The following RIMS2 variants were observed in gnomAD, a reference collection of about 807,000 sequenced individuals.
RIMS2 encodes the protein regulating synaptic membrane exocytosis protein 2.
RIMS2 carries 59 observed loss-of-function variants against 174.4 expected under a neutral mutation model. That is an observed-to-expected ratio of 0.34 (90% CI 0.27 to 0.42). RIMS2 has a LOEUF of 0.42. RIMS2 is among the 10% of genes least tolerant of loss of function. RIMS2 has a pLI of 1.00. For missense variants in RIMS2, 1,620 were observed against 1,666.3 expected (o/e 0.97, Z 0.48); for synonymous variants, 606 against 572.5 (o/e 1.06, Z -0.84).
At chr8:103,807,029 G>A (rs754295137) in intron 3 of RIMS2, among the ~76,000 whole-genome samples, 4 of 152,078 alleles carry the variant, frequency 2.6e-5, no homozygotes, top group Non-Finnish European at 5.9e-5. Flanking sequence ...TGAGTCTGGA[G>A]TTTTAGGGGA....
exon 3 of RIMS2, chr8:103,766,444 A>G: frequency 6.2e-7 from 1 of 1,613,868 alleles, no homozygotes. Context: ...CCTGCAGTGG[A>G]GAAAAGTCGA....
intron 1 of RIMS2, among the ~76,000 whole-genome samples, chr8:103,618,301 C>G (rs2095553136): frequency 6.6e-6 from 1 of 151,928 alleles, no homozygotes; most frequent in Non-Finnish European, 1.5e-5. Context: ...AAGGAAACAA[C>G]AAACACTAGG....
At chr8:103,535,335 A>C (rs1839269005) in intron 1 of RIMS2, among the ~76,000 whole-genome samples, 1 of 152,190 alleles carries the variant, frequency 6.6e-6, no homozygotes, top group Non-Finnish European at 1.5e-5. Context: ...AATGAGCTAT[A>C]CTGCTAGAAA....
intron 14 of RIMS2, among the ~76,000 whole-genome samples, chr8:103,955,061 T>C (rs2086703736): frequency 6.6e-6 from 1 of 152,034 alleles, no homozygotes; most frequent in Non-Finnish European, 1.5e-5. Context: ...AGAAGTCAAA[T>C]CCCTGAATAG....
chr8:103,714,069 A>G (rs1460834763), intron 2 of RIMS2, among the ~76,000 whole-genome samples: 1 of 152,094 alleles, frequency 6.6e-6, no homozygotes, highest in African/African-American at 2.4e-5. Context: ...TTTTTGTGCC[A>G]CACTGGATTC....
At chr8:103,732,442 G>A (rs1468904612) in intron 2 of RIMS2, among the ~76,000 whole-genome samples, 3 of 152,108 alleles carry the variant, frequency 2.0e-5, no homozygotes, top group Non-Finnish European at 4.4e-5. Context: ...GTGACCACTG[G>A]TGAACATATC....
At chr8:103,984,191 A>C (rs1161548130) in intron 16 of RIMS2, among the ~76,000 whole-genome samples, 1 of 152,098 alleles carries the variant, frequency 6.6e-6, no homozygotes, top group Non-Finnish European at 1.5e-5. Context: ...AAAAGGAAAA[A>C]AAAAAGTAGA....
intron 2 of RIMS2, among the ~76,000 whole-genome samples, chr8:103,749,161 T>A (rs1273202693): frequency 6.7e-6 from 1 of 148,822 alleles, no homozygotes; most frequent in East Asian, 2.0e-4. Flanking sequence ...GTCCAGGCTG[T>A]AGTGCAGTGG....
intron 1 of RIMS2, among the ~76,000 whole-genome samples, chr8:103,674,355 A>T (rs1727414739): frequency 6.6e-6 from 1 of 152,192 alleles, no homozygotes; most frequent in South Asian, 2.1e-4. Context: ...TACTATCAAT[A>T]TAGAAGTTAA....
chr8:103,718,481 G>GT (rs1274188749), intron 2 of RIMS2, among the ~76,000 whole-genome samples: 1 of 152,136 alleles, frequency 6.6e-6, no homozygotes, highest in Non-Finnish European at 1.5e-5. Context: ...GGCCATGATG[G>GT]TAAGATTTGT....
intron 1 of RIMS2, among the ~76,000 whole-genome samples, chr8:103,559,633 C>T (rs912721124): frequency 6.6e-6 from 1 of 152,266 alleles, no homozygotes; most frequent in East Asian, 1.9e-4. Context: ...ATTCAAGTCT[C>T]ATTATAAGTT....
At position 103,890,644 on chromosome 8, in the gene RIMS2, C is replaced by T. The variant is rs138499468; in HGVS notation, c.1624+4421C>T. On this transcript the variant is annotated intron_variant, in intron 4 of 23. Coordinates refer to ENST00000504942, the Ensembl canonical transcript of RIMS2. ...TGATCGCTTTCCCATACTTTCTGTTCGGTTAGGAAATTGCAAATTGATTTT... is the reference window on the plus strand; with the variant it reads ...TGATCGCTTTCCCATACTTTCTGTTTGGTTAGGAAATTGCAAATTGATTTT... 5.3e-4 allele frequency among the ~76,000 whole-genome samples: 80 copies of T among 151,834 alleles called. 1 individual carries two copies. The Middle Eastern group carries it at 0.017, about 32-fold the overall frequency.
Position 104,129,068 on chromosome 8 carries a change from A to T in RIMS2, c.3334+114453A>T, listed in dbSNP as rs113140077. On this transcript the variant is annotated intron_variant, in intron 19 of 23. Transcript: ENST00000504942. ...GTGGTACATTTTGACTAAATTGTTT[A>T]TATGAAGGGAAAAAAGTGAGACTTA... 7.9e-5 allele frequency among the ~76,000 whole-genome samples: 12 copies of T among 152,304 alleles called. 3 individuals carry two copies. Among genetic ancestry groups the T allele is most frequent in the African/African-American group, 2.6e-4 (11 of 41,584 alleles).
intron 1 of RIMS2, among the ~76,000 whole-genome samples, chr8:103,680,928 A>G (rs547117345): frequency 6.6e-6 from 1 of 152,058 alleles, no homozygotes; most frequent in African/African-American, 2.4e-5. Context: ...GTTAAAAAGT[A>G]TCTAGTGAAT....
At chr8:103,513,023 C>A (rs769601450) in intron 1 of RIMS2, among the ~76,000 whole-genome samples, 7 of 152,010 alleles carry the variant, frequency 4.6e-5, no homozygotes, top group Non-Finnish European at 7.4e-5. Flanking sequence ...TTAACTAATT[C>A]TTATAAGATA....
At chr8:103,961,898 T>C (rs188220681) in intron 15 of RIMS2, among the ~76,000 whole-genome samples, 118 of 152,280 alleles carry the variant, frequency 7.7e-4, no homozygotes, top group African/African-American at 2.6e-3. Context: ...GTACCACTTT[T>C]TAAAAACTCA....
At chr8:103,915,385 A>T in intron 6 of RIMS2, 110 bp from the exon 10 acceptor site, 1 of 524,738 alleles carries the variant, frequency 1.9e-6, no homozygotes, top group East Asian at 3.0e-5. Flanking sequence ...TCTGTACATT[A>T]AATTAGCGTT....
At chr8:103,793,240 A>G (rs2098517495) in intron 3 of RIMS2, among the ~76,000 whole-genome samples, 1 of 152,206 alleles carries the variant, frequency 6.6e-6, no homozygotes, top group Non-Finnish European at 1.5e-5. Flanking sequence ...ACTACGATCA[A>G]GTGGGCTTCA....
rs572258976 is a variant in RIMS2 at position 103,810,713 on chromosome 8, CT to C, written c.698+44182del. Among the ~76,000 whole-genome samples, 47 of 152,148 alleles carry C rather than the reference CT, an allele frequency of 3.1e-4. 2 individuals are homozygous for C. The South Asian group carries it at 9.5e-3, about 31-fold the overall frequency. ...TAATGTTCTTAAAGCTTCTAAAGCA[CT>C]TTTTTCTGACAGCCAATGTCAAAGT... On this transcript the variant is annotated intron_variant, in intron 3 of 23. Coordinates refer to ENST00000504942, the Ensembl canonical transcript of RIMS2.
Sources: gnomAD v4.1 joint callset for allele counts (sites outside exome capture counted in the v4.1 genomes callset) on GRCh38, gnomAD v4.1.1 for gene constraint, MANE v1.5 for transcripts, NCBI Gene and HGNC (gene_info 2026-07-23, HGNC 2026-07-21) for gene names.